ASTN2: variants seen among roughly 807,000 people sequenced by gnomAD.
The protein encoded by ASTN2 is astrotactin 2, also known as astrotactin-2.
ASTN2 carries 54 observed loss-of-function variants against 139.8 expected under a neutral mutation model. The observed-to-expected ratio is 0.39, with a 90% CI of 0.31 to 0.48. The LOEUF (loss-of-function observed/expected upper bound fraction) is 0.48. Ranked by LOEUF, ASTN2 falls within the 20% of genes least tolerant of loss-of-function variation. ASTN2 has a pLI of 0.95. For missense variants in ASTN2, 1,565 were observed against 1,725.1 expected, an observed-to-expected ratio of 0.91 and a Z score of 1.64; for synonymous variants, 756 against 719.5, an observed-to-expected ratio of 1.05 and a Z score of -0.81.
intron 2 of ASTN2, among the ~76,000 whole-genome samples, chr9:117,223,588 AT>A (rs951756503): frequency 6.6e-6 from 1 of 152,076 alleles, no homozygotes; most frequent in African/African-American, 2.4e-5. Flanking sequence ...TCTACGTCTT[AT>A]TTTTTCTTGG....
At chr9:117,050,109 G>C (rs2132666219) in intron 5 of ASTN2, among the ~76,000 whole-genome samples, 1 of 152,212 alleles carries the variant, frequency 6.6e-6, no homozygotes, top group Non-Finnish European at 1.5e-5. Flanking sequence ...TCTACAGGCT[G>C]TTTAGATGCA....
intron 20 of ASTN2, among the ~76,000 whole-genome samples, chr9:116,468,328 C>T (rs933381549): frequency 6.6e-6 from 1 of 152,162 alleles, no homozygotes; most frequent in African/African-American, 2.4e-5. Context: ...ATTGTTTATC[C>T]TCCACAGGAC....
chr9:117,251,961 A>C (rs1833550402), intron 2 of ASTN2, among the ~76,000 whole-genome samples: 1 of 152,212 alleles, frequency 6.6e-6, no homozygotes, highest in African/African-American at 2.4e-5. Flanking sequence ...AAGGAGGCAA[A>C]ACTGTTCTCA....
At chr9:117,071,260 A>G (rs1332934462) in intron 5 of ASTN2, among the ~76,000 whole-genome samples, 19 of 151,218 alleles carry the variant, frequency 1.3e-4, no homozygotes, top group South Asian at 4.2e-4. Flanking sequence ...GTCTGTTGGA[A>G]TACCCTGCCG....
At chr9:116,790,068 G>A (rs1360088625) in intron 13 of ASTN2, among the ~76,000 whole-genome samples, 1 of 151,784 alleles carries the variant, frequency 6.6e-6, no homozygotes, top group Non-Finnish European at 1.5e-5. Context: ...TTGGATTACA[G>A]GCACTCACAA....
intron 19 of ASTN2, among the ~76,000 whole-genome samples, chr9:116,501,956 A>C (rs1849871263): frequency 6.6e-6 from 1 of 151,934 alleles, no homozygotes; most frequent in African/African-American, 2.4e-5. Flanking sequence ...CACACACACA[A>C]AAAGCATATC....
chr9:117,282,349 G>A (rs752789879), intron 2 of ASTN2, among the ~76,000 whole-genome samples: 1 of 152,288 alleles, frequency 6.6e-6, no homozygotes, highest in Non-Finnish European at 1.5e-5. Flanking sequence ...GCTTTGGCCA[G>A]GAGGTTCAGT....
At chr9:117,033,669 T>C (rs935239822) in intron 6 of ASTN2, among the ~76,000 whole-genome samples, 1 of 152,088 alleles carries the variant, frequency 6.6e-6, no homozygotes, top group Non-Finnish European at 1.5e-5. Flanking sequence ...AAATAAATAA[T>C]AATTATCCTG....
chr9:116,495,234 A>G (rs975428456), intron 19 of ASTN2, among the ~76,000 whole-genome samples: 1 of 152,168 alleles, frequency 6.6e-6, no homozygotes, highest in African/African-American at 2.4e-5. Context: ...TCTAGTGGAC[A>G]CCTGTTGGTT....
At chr9:117,204,100 T>C (rs1756536749) in intron 3 of ASTN2, among the ~76,000 whole-genome samples, 2 of 152,208 alleles carry the variant, frequency 1.3e-5, no homozygotes, top group Admixed American at 1.3e-4. Context: ...TGAGGAAGGA[T>C]GGGTCAGGGT....
chr9:117,062,946 A>G (rs985558791), intron 5 of ASTN2, among the ~76,000 whole-genome samples: 1 of 152,188 alleles, frequency 6.6e-6, no homozygotes, highest in African/African-American at 2.4e-5. Context: ...GCTCCAGACT[A>G]CCACTTTTAC....
At chr9:116,443,362 C>A (rs762014958) in intron 20 of ASTN2, among the ~76,000 whole-genome samples, 1 of 152,082 alleles carries the variant, frequency 6.6e-6, no homozygotes, top group Non-Finnish European at 1.5e-5. Flanking sequence ...GGTAGAAGGT[C>A]GGTGGGAACC....
chr9:117,348,838 A>C (rs1829303150), intron 1 of ASTN2, among the ~76,000 whole-genome samples: 1 of 137,698 alleles, frequency 7.3e-6, no homozygotes, highest in African/African-American at 2.8e-5. Context: ...CTCCTAATTC[A>C]TTTTTTATGA....
intron 10 of ASTN2, among the ~76,000 whole-genome samples, chr9:116,870,127 C>CA (rs1222524921): frequency 6.7e-6 from 1 of 149,770 alleles, no homozygotes; most frequent in Non-Finnish European, 1.5e-5. Flanking sequence ...GACCCTGTCT[C>CA]AAAAAAAATA....
chr9:116,482,749 C>T (rs1318638790), intron 20 of ASTN2, among the ~76,000 whole-genome samples: 1 of 152,172 alleles, frequency 6.6e-6, no homozygotes, highest in Non-Finnish European at 1.5e-5. Flanking sequence ...TAAGATAGAG[C>T]CTCTGGCCTA....
At chr9:117,389,695 T>C (rs1204781900) in intron 1 of ASTN2, among the ~76,000 whole-genome samples, 1 of 152,148 alleles carries the variant, frequency 6.6e-6, no homozygotes, top group Non-Finnish European at 1.5e-5. Context: ...CCAGTGAACA[T>C]GTACTGAGTA....
At chr9:116,816,241 A>G (rs1831324956) in intron 12 of ASTN2, among the ~76,000 whole-genome samples, 1 of 152,234 alleles carries the variant, frequency 6.6e-6, no homozygotes, top group African/African-American at 2.4e-5. Context: ...CAAAACAGAC[A>G]AACTTTGTTG....
intron 7 of ASTN2, among the ~76,000 whole-genome samples, chr9:116,993,704 T>TATC (rs1836925898): frequency 6.8e-6 from 1 of 147,850 alleles, no homozygotes; most frequent in East Asian, 1.9e-4. Context: ...TGATAAAGTG[T>TATC]ATCATATATT....
intron 1 of ASTN2, among the ~76,000 whole-genome samples, chr9:117,320,467 T>C (rs1377909410): frequency 1.3e-5 from 2 of 152,156 alleles, no homozygotes; most frequent in Non-Finnish European, 2.9e-5. Context: ...ATTTGCTGCT[T>C]AGAATCATAC....
Sources: allele counts gnomAD v4.1 joint callset (sites outside exome capture counted in the v4.1 genomes callset), GRCh38; gene constraint gnomAD v4.1.1; transcripts MANE v1.5; gene names NCBI Gene and HGNC (gene_info 2026-07-23, HGNC 2026-07-21).